Variants in RFTN2 observed in about 807,000 individuals in gnomAD.
RFTN2 encodes the protein raftlin-2.
Under a neutral mutation model 52.7 loss-of-function variants are expected in RFTN2, and 34 were observed. That is an observed-to-expected ratio of 0.64 (90% CI 0.49 to 0.86). RFTN2 has a LOEUF of 0.86. Among genes scored for constraint, RFTN2 ranks in the 40% least tolerant of loss-of-function variants. The pLI, the probability that RFTN2 is intolerant of heterozygous loss-of-function variation, is 0.00. For missense variants in RFTN2, 536 were observed against 600.1 expected (o/e 0.89, Z 1.12); for synonymous variants, 203 against 217.7 (o/e 0.93, Z 0.59).
intron 8 of RFTN2, among the ~76,000 whole-genome samples, chr2:197,577,517 G>C (rs1176877119): frequency 2.6e-5 from 4 of 152,162 alleles, no homozygotes; most frequent in African/African-American, 9.7e-5. Flanking sequence ...TCTCAGAAAA[G>C]GTACAAAATT....
chr2:197,591,119 G>T (rs1394711916), intron 8 of RFTN2, among the ~76,000 whole-genome samples: 1 of 152,184 alleles, frequency 6.6e-6, no homozygotes, highest in Non-Finnish European at 1.5e-5. Flanking sequence ...CCCTGAGCTA[G>T]ACACAAAAGT....
At chr2:197,648,881 T>C (rs1010006164) in intron 1 of RFTN2, among the ~76,000 whole-genome samples, 2 of 152,248 alleles carry the variant, frequency 1.3e-5, no homozygotes, top group African/African-American at 4.8e-5. Flanking sequence ...CTGGGCTGCA[T>C]GTCCTTCTAT....
intron 8 of RFTN2, among the ~76,000 whole-genome samples, chr2:197,587,316 A>T (rs2087616699): frequency 6.6e-6 from 1 of 151,780 alleles, no homozygotes; most frequent in South Asian, 2.1e-4. Flanking sequence ...ACACTTTACC[A>T]CTATTTTGTT....
At chr2:197,623,122 C>T (rs1384942877) in intron 5 of RFTN2, among the ~76,000 whole-genome samples, 1 of 152,156 alleles carries the variant, frequency 6.6e-6, no homozygotes, top group Non-Finnish European at 1.5e-5. Flanking sequence ...TTTTGTAAGG[C>T]TATAGCTGCC....
At chr2:197,613,615 C>T (rs749887402) in intron 7 of RFTN2, among the ~76,000 whole-genome samples, 1 of 152,170 alleles carries the variant, frequency 6.6e-6, no homozygotes, top group Non-Finnish European at 1.5e-5. Flanking sequence ...ACTGAAGCAG[C>T]TAAGAACAGC....
intron 1 of RFTN2, among the ~76,000 whole-genome samples, chr2:197,668,882 G>T (rs6748788): frequency 0.49 from 75,190 of 151,984 alleles, 19,280 homozygotes; most frequent in African/African-American, 0.59. Flanking sequence ...CTCTCCCATG[G>T]TTAGAATTGC....
In RFTN2 at chr2:197,618,493, C is replaced by T. The variant is rs1279311426; in HGVS notation, c.929-572G>A. On this transcript the variant is annotated intron_variant, in intron 5 of 8. Transcript: ENST00000295049. ...TCCCAAAGTGCCGAGATTGCAGCCT[C>T]TGCCCGGCCGCCACCCCGTCTGGGA... Among the ~76,000 whole-genome samples, 651 of 152,156 alleles carry T rather than the reference C, an allele frequency of 4.3e-3. 3 individuals are homozygous for T. Among genetic ancestry groups the T allele is most frequent in the African/African-American group, 0.015 (624 of 41,542 alleles).
At chr2:197,591,977 G>C (rs2087723131) in intron 8 of RFTN2, among the ~76,000 whole-genome samples, 1 of 152,138 alleles carries the variant, frequency 6.6e-6, no homozygotes, top group South Asian at 2.1e-4. Context: ...GCCGGCTCTG[G>C]CCTCGGCCAG....
chr2:197,606,352 A>G (rs991441625), intron 7 of RFTN2, among the ~76,000 whole-genome samples: 4 of 152,226 alleles, frequency 2.6e-5, no homozygotes, highest in African/African-American at 7.2e-5. Context: ...CAGAAAGAAC[A>G]TTCTTGTTAA....
chr2:197,609,472 A>C (rs996553205), intron 7 of RFTN2, among the ~76,000 whole-genome samples: 4 of 151,978 alleles, frequency 2.6e-5, no homozygotes, highest in Non-Finnish European at 4.4e-5. Context: ...CCATTTTTTG[A>C]TGGGGTTGTT....
chr2:197,597,749 C>A (rs1182216571), intron 7 of RFTN2, among the ~76,000 whole-genome samples: 1 of 152,148 alleles, frequency 6.6e-6, no homozygotes, highest in Non-Finnish European at 1.5e-5. Flanking sequence ...AACTCCCGAC[C>A]TCAGGTGATC....
intron 3 of RFTN2, among the ~76,000 whole-genome samples, chr2:197,640,952 C>G (rs573443940): frequency 3.3e-5 from 5 of 152,272 alleles, no homozygotes; most frequent in African/African-American, 1.2e-4. Context: ...TGTGTCTTAT[C>G]CTTCTTTGTA....
chr2:197,643,000 A>T (rs2106248336), intron 3 of RFTN2, among the ~76,000 whole-genome samples: 1 of 152,324 alleles, frequency 6.6e-6, no homozygotes, highest in East Asian at 1.9e-4. Context: ...GGGATTTATG[A>T]TTCTTCTTAC....
intron 1 of RFTN2, among the ~76,000 whole-genome samples, chr2:197,667,659 G>A (rs977195815): frequency 4.6e-5 from 7 of 152,224 alleles, no homozygotes; most frequent in African/African-American, 1.4e-4. Flanking sequence ...GATTCTGGGT[G>A]CATGGAATAG....
At chr2:197,657,463 CAT>C (rs1444716842) in intron 1 of RFTN2, among the ~76,000 whole-genome samples, 1 of 152,174 alleles carries the variant, frequency 6.6e-6, no homozygotes, top group Non-Finnish European at 1.5e-5. Flanking sequence ...ATTGTGGAAA[CAT>C]AATTATTCAC....
chr2:197,581,210 C>T (rs2106167713), intron 8 of RFTN2, among the ~76,000 whole-genome samples: 1 of 152,338 alleles, frequency 6.6e-6, no homozygotes, highest in East Asian at 1.9e-4. Context: ...CCCCATTTTA[C>T]CTGTCCCAAA....
In RFTN2 at chr2:197,637,271, G is replaced by T. The variant is rs943391153; in HGVS notation, c.439-3274C>A. On this transcript the variant is annotated intron_variant, in intron 3 of 8. Coordinates refer to ENST00000295049, the MANE Select transcript of RFTN2 (RefSeq NM_144629.3). ...TAGCCTCATAAAATGAGTTAGGGAGGATTCCCTCTTTTTCTATTGATTGGA... is the reference window on the plus strand; with the variant it reads ...TAGCCTCATAAAATGAGTTAGGGAGTATTCCCTCTTTTTCTATTGATTGGA... Among the ~76,000 whole-genome samples the T allele has an allele frequency of 4.4e-3, 671 of 152,188 alleles. 4 individuals are homozygous for T. Among genetic ancestry groups the T allele is most frequent in the African/African-American group, 0.015 (643 of 41,492 alleles).
At chr2:197,576,315 G>T (rs145370917) in intron 8 of RFTN2, among the ~76,000 whole-genome samples, 2 of 152,210 alleles carry the variant, frequency 1.3e-5, no homozygotes, top group East Asian at 3.9e-4. Flanking sequence ...AGTCAGTGGT[G>T]TGGTGTCTGG....
intron 3 of RFTN2, among the ~76,000 whole-genome samples, chr2:197,638,096 C>G (rs1471024520): frequency 1.3e-5 from 2 of 151,176 alleles, no homozygotes; most frequent in Non-Finnish European, 2.9e-5. Flanking sequence ...GCACTGTGGT[C>G]TGAGAGATAG....
Sources: allele counts gnomAD v4.1 joint callset (sites outside exome capture counted in the v4.1 genomes callset), GRCh38; gene constraint gnomAD v4.1.1; transcripts MANE v1.5; gene names NCBI Gene and HGNC (gene_info 2026-07-23, HGNC 2026-07-21).